CYB5D2: variants seen among roughly 807,000 people sequenced by gnomAD.
The protein encoded by CYB5D2 is cytochrome b5 domain containing 2, also known as neuferricin.
CYB5D2 carries 23 observed loss-of-function variants against 22.8 expected under a neutral mutation model. The ratio of observed to expected loss-of-function variants is 1.01; its 90% CI spans 0.73 to 1.43. The LOEUF (loss-of-function observed/expected upper bound fraction) is 1.43, where lower values mean the gene tolerates loss of function less well. CYB5D2 is among the 40% of genes most tolerant of loss of function. The probability of loss-of-function intolerance (pLI) is 0.00; values close to 1 mark genes in which losing one functional copy is unlikely to be tolerated. For synonymous variants in CYB5D2, 170 were observed against 152.2 expected (o/e 1.12, Z -0.86); for missense variants, 373 against 357.2 (o/e 1.04, Z -0.36).
chr17:4,152,234 T>C (rs757437768), intron 2 of CYB5D2, among the ~76,000 whole-genome samples: 1 of 152,168 alleles, frequency 6.6e-6, no homozygotes. Flanking sequence ...GAATACCTAC[T>C]ACTCATAAGT....
At chr17:4,150,528 A>G (rs2059044563) in intron 2 of CYB5D2, among the ~76,000 whole-genome samples, 1 of 151,776 alleles carries the variant, frequency 6.6e-6, no homozygotes, top group Non-Finnish European at 1.5e-5. Flanking sequence ...TACTGATGCT[A>G]CATAAGGGAC....
chr17:4,144,099 C>A (rs1191709894), intron 1 of CYB5D2, 94 bp downstream of exon 1: 2 of 1,473,696 alleles, frequency 1.4e-6, no homozygotes, highest in Admixed American at 2.2e-5. Flanking sequence ...TCTATTTCCC[C>A]CCCCATCCCC....
intron 2 of CYB5D2, among the ~76,000 whole-genome samples, chr17:4,153,532 G>A (rs78150716): frequency 0.067 from 10,222 of 152,240 alleles, 468 homozygotes; most frequent in South Asian, 0.15. Flanking sequence ...ATCAGGCATC[G>A]GAGAGCCATG....
At chr17:4,148,830 A>G (rs930001135) in intron 1 of CYB5D2, among the ~76,000 whole-genome samples, 11 of 152,092 alleles carry the variant, frequency 7.2e-5, no homozygotes, top group African/African-American at 1.7e-4. Context: ...CTCATGCACA[A>G]AAAAAAAGAA....
At chr17:4,144,106 C>G in intron 1 of CYB5D2, 101 bp downstream of exon 1, 2 of 1,443,328 alleles carry the variant, frequency 1.4e-6, no homozygotes, top group South Asian at 1.4e-5. Flanking sequence ...CCCCCCCCAT[C>G]CCCACCCCAC....
At position 4,143,846 on chromosome 17, in the gene CYB5D2, C is replaced by T. The variant is rs771597331; in HGVS notation, c.91C>T (p.Pro31Ser). ...MAARLMGWWG[P>S]RAGFRLFIPE... ...AGCACGGCTTATGGGCTGGTGGGGTCCCCGCGCTGGCTTTCGCCTTTTCAT... is the reference window on the plus strand; with the variant it reads ...AGCACGGCTTATGGGCTGGTGGGGTTCCCGCGCTGGCTTTCGCCTTTTCAT... The change falls in exon 1 of 4, where the codon CCC becomes TCC. Residue 31 changes from proline (P) to serine (S), a missense_variant. Coordinates refer to ENST00000301391, the MANE Select transcript of CYB5D2 (RefSeq NM_144611.4). 6.2e-7 allele frequency: 1 copy of T among 1,614,096 alleles called. No homozygotes were observed. Among genetic ancestry groups the T allele is most frequent in the South Asian group, 1.1e-5 (1 of 91,084 alleles).
rs1049523 is a variant in CYB5D2 at position 4,157,188 on chromosome 17, G to T, written c.*106G>T. On this transcript the variant is annotated 3_prime_UTR_variant, in exon 4 of 4. Transcript: ENST00000301391. The surrounding 1 kb of genome is among the most constrained non-coding windows in gnomAD (Gnocchi z 4.4). ...ATGCCTCCTGGCGCGAATCAGGAGG[G>T]TCTGGAAGGACTCTGGCTATATTCT... 0.77 allele frequency: 961,981 copies of T among 1,255,384 alleles called. 376,829 individuals are homozygous for T. The highest frequency in any genetic ancestry group is 0.93 in the East Asian group (36,865 of 39,532). The allele number at this position is 1,255,384 out of a possible 1,614,324, so 77.8% of individuals were successfully genotyped here.
At chr17:4,145,255 C>T (rs2058974948) in intron 1 of CYB5D2, among the ~76,000 whole-genome samples, 1 of 152,206 alleles carries the variant, frequency 6.6e-6, no homozygotes, top group African/African-American at 2.4e-5. Flanking sequence ...CTGCCTCTAG[C>T]ACTTAAAATA....
Position 4,156,980 on chromosome 17 carries a change from G to C in CYB5D2, c.693G>C (p.Pro231=), listed in dbSNP as rs780986190. The change falls in exon 4 of 4, where the codon CCG becomes CCC. Residue 231 remains proline, a synonymous_variant. Coordinates refer to ENST00000301391, the MANE Select transcript of CYB5D2 (RefSeq NM_144611.4). ...RTTGPPSGQM[P]DNPPHRNRGD... The stretch of plus-strand genomic sequence containing the variant: ...CCGGCCCCCCTAGTGGCCAGATGCC[G>C]GACAACCCTCCACACAGAAATCGTG... The C allele has an allele frequency of 6.2e-7, 1 of 1,612,710 alleles. No individual in the cohort carries two copies. The highest frequency in any genetic ancestry group is 1.7e-5 in the Admixed American group (1 of 59,992).
At chr17:4,153,037 C>G (rs1456932474) in intron 2 of CYB5D2, among the ~76,000 whole-genome samples, 2 of 152,210 alleles carry the variant, frequency 1.3e-5, no homozygotes, top group African/African-American at 4.8e-5. Context: ...CTCAGCCTCC[C>G]AAAGTGCTGG....
In CYB5D2 at chr17:4,157,653, AC is replaced by A. The variant is rs1440377659; in HGVS notation, c.*572del. ...GTGGCTTCCCAGCTCTAACAAGGTA[AC>A]TGGTTAGCATGACATTAAAGCTTGG... On this transcript the variant is annotated 3_prime_UTR_variant, in exon 4 of 4. Transcript: ENST00000301391. The surrounding 1 kb of genome is among the most constrained non-coding windows in gnomAD (Gnocchi z 4.4). 1 of 156,358 alleles carries A rather than the reference AC, an allele frequency of 6.4e-6. No individual in the cohort carries two copies. Among genetic ancestry groups the A allele is most frequent in the African/African-American group, 2.4e-5 (1 of 41,474 alleles). The allele number at this position is 156,358 out of a possible 1,614,324, so 9.7% of individuals were successfully genotyped here.
chr17:4,155,465 C>A (rs1017543420), intron 3 of CYB5D2, among the ~76,000 whole-genome samples: 8 of 152,116 alleles, frequency 5.3e-5, no homozygotes, highest in Non-Finnish European at 7.4e-5. Flanking sequence ...ACAAAAAAAA[C>A]CACTGCAAAT....
Position 4,143,765 on chromosome 17 carries a change from T to G in CYB5D2, c.10T>G (p.Cys4Gly), listed in dbSNP as rs758638575. The change falls in exon 1 of 4, where the codon TGC (cysteine) becomes GGC (glycine). Residue 4 changes from cysteine to glycine, a missense_variant. Physicochemically the swap from Cys to Gly is radical, Grantham distance 159. Coordinates refer to ENST00000301391, the MANE Select transcript of CYB5D2 (RefSeq NM_144611.4). Reference sequence around the variant, plus strand: ...GGGTGGGCCTATATAGATGTTGAGGTGCGGAGGCCGTGGGCTTTTGTTGGG... The same window carrying G: ...GGGTGGGCCTATATAGATGTTGAGGGGCGGAGGCCGTGGGCTTTTGTTGGG... MLRCGGRGLLLGLA... is the reference protein window; with the variant it reads MLRGGGRGLLLGLA... 5 of 1,613,346 alleles carry G rather than the reference T, an allele frequency of 3.1e-6. No individual in the cohort carries two copies. Among genetic ancestry groups the G allele is most frequent in the Non-Finnish European group, 4.2e-6 (5 of 1,179,810 alleles).
intron 1 of CYB5D2, among the ~76,000 whole-genome samples, chr17:4,148,738 C>T (rs552062182): frequency 3.3e-5 from 5 of 151,516 alleles, no homozygotes; most frequent in South Asian, 4.2e-4. Flanking sequence ...GCAGGCAAAT[C>T]GCTTGAACCC....
chr17:4,157,339 C>G lies in CYB5D2; in HGVS notation c.*257C>G. Reference sequence around the variant, plus strand: ...TTTGACCTACTGGCCATCTTCCTCACAGCCCTCAGATATCAACGGGCACAA... The same window carrying G: ...TTTGACCTACTGGCCATCTTCCTCAGAGCCCTCAGATATCAACGGGCACAA... On this transcript the variant is annotated 3_prime_UTR_variant, in exon 4 of 4. Coordinates refer to ENST00000301391, the MANE Select transcript of CYB5D2 (RefSeq NM_144611.4). This position sits in a 1 kb window ranked among gnomAD's most constrained non-coding sequence, Gnocchi z 4.4. 2 of 548,848 alleles carry G rather than the reference C, an allele frequency of 3.6e-6. No homozygotes were observed. The highest frequency in any genetic ancestry group is 6.5e-6 in the Non-Finnish European group (2 of 305,444). The allele number at this position is 548,848 out of a possible 1,614,324, so 34.0% of individuals were successfully genotyped here.
At chr17:4,147,521 T>C (rs9891135) in intron 1 of CYB5D2, among the ~76,000 whole-genome samples, 138,456 of 152,268 alleles carry the variant, frequency 0.91, 64,437 homozygotes, top group Non-Finnish European at 1. Context: ...GTAACCGATT[T>C]GAAGAGGAGG....
chr17:4,148,389 C>A (rs561870201), intron 1 of CYB5D2, among the ~76,000 whole-genome samples: 1 of 151,984 alleles, frequency 6.6e-6, no homozygotes, highest in South Asian at 2.1e-4. Context: ...TGGTGGCGGG[C>A]ACCTGTAGTC....
In CYB5D2 at chr17:4,147,657, CA is replaced by C. The variant is rs1232492816; in HGVS notation, c.251-2233del. On this transcript the variant is annotated intron_variant, in intron 1 of 3. Coordinates refer to ENST00000301391, the MANE Select transcript of CYB5D2 (RefSeq NM_144611.4). The stretch of plus-strand genomic sequence containing the variant: ...TCACCTGAGTTTGGGAGTTCGAAAC[CA>C]GCCTGACTAACATGGAGAAACCCCA... 2.6e-5 allele frequency among the ~76,000 whole-genome samples: 4 copies of C among 152,300 alleles called. No homozygotes were observed. In the East Asian group the frequency reaches 7.7e-4, roughly 29 times the overall value.
chr17:4,156,149 C>T (rs1034136713), intron 3 of CYB5D2, among the ~76,000 whole-genome samples: 3 of 152,232 alleles, frequency 2.0e-5, no homozygotes, highest in African/African-American at 4.8e-5. Context: ...CTGTCTGAGG[C>T]GTCAGTTCCA....
Sources: allele counts gnomAD v4.1 joint callset (sites outside exome capture counted in the v4.1 genomes callset), GRCh38; gene constraint gnomAD v4.1.1; non-coding constraint Gnocchi (gnomAD v3.1); transcripts MANE v1.5; gene names NCBI Gene and HGNC (gene_info 2026-07-23, HGNC 2026-07-21).